The following CTPS2 variants were observed in gnomAD, a reference collection of about 807,000 sequenced individuals.
CTPS2 encodes the protein CTP synthase 2.
Under a neutral mutation model 46.8 loss-of-function variants are expected in CTPS2, and 19 were observed. The observed-to-expected ratio is 0.41, with a 90% confidence interval of 0.28 to 0.60. The LOEUF (loss-of-function observed/expected upper bound fraction) is 0.60. Among genes scored for constraint, CTPS2 ranks in the 20% least tolerant of loss-of-function variants. The pLI, the probability that CTPS2 is intolerant of heterozygous loss-of-function variation, is 0.35. For synonymous variants in CTPS2, 151 were observed against 165.2 expected, an observed-to-expected ratio of 0.91 and a Z score of 0.66; for missense variants, 286 against 447.6, an observed-to-expected ratio of 0.64 and a Z score of 3.26.
chrX:16,677,857 G>A (rs774373133), intron 10 of CTPS2, among the ~76,000 whole-genome samples: 7 of 111,716 alleles, frequency 6.3e-5, no homozygotes, highest in African/African-American at 9.8e-5. Context: ...GGGGAGGCAC[G>A]TATAATTCAT....
chrX:16,650,511 CTTTTTTTTTTTT>C (rs1167079038), intron 13 of CTPS2, among the ~76,000 whole-genome samples: 1 of 77,209 alleles, frequency 1.3e-5, no homozygotes, highest in Non-Finnish European at 2.4e-5. Context: ...TCTAAGATGT[CTTTTTTTTTTTT>C]TTTTTTTTTT....
At chrX:16,637,145 C>T (rs1417609043) in intron 14 of CTPS2, among the ~76,000 whole-genome samples, 1 of 111,454 alleles carries the variant, frequency 9.0e-6, no homozygotes, top group African/African-American at 3.3e-5. Context: ...CTATGTTGCC[C>T]AGCTGGTCTC....
intron 13 of CTPS2, among the ~76,000 whole-genome samples, chrX:16,657,580 TG>T (rs780295338): frequency 9.0e-6 from 1 of 111,007 alleles, no homozygotes; most frequent in Non-Finnish European, 1.9e-5. Flanking sequence ...ACTGGGCAGA[TG>T]GGGGGGCAGG....
At chrX:16,685,937 G>A (rs1249153171) in intron 8 of CTPS2, among the ~76,000 whole-genome samples, 3 of 107,610 alleles carry the variant, frequency 2.8e-5, no homozygotes, top group Non-Finnish European at 5.8e-5. Flanking sequence ...CCTTGACTTC[G>A]GGTCCCAGGC....
At chrX:16,590,279 G>C (rs1928820472) in intron 18 of CTPS2, among the ~76,000 whole-genome samples, 2 of 111,065 alleles carry the variant, frequency 1.8e-5, no homozygotes. Flanking sequence ...TCTTCTATGA[G>C]TGGCCTAGAC....
intron 17 of CTPS2, among the ~76,000 whole-genome samples, chrX:16,600,216 C>T (rs944992414): frequency 8.9e-6 from 1 of 111,975 alleles, no homozygotes; most frequent in Non-Finnish European, 1.9e-5. Flanking sequence ...TCATATAGCC[C>T]ACCTTTACGC....
At position 16,603,537 on chromosome X, in the gene CTPS2, G is replaced by A. The variant is rs181878327; in HGVS notation, c.1691+6004C>T. Among the ~76,000 whole-genome samples, 489 of 110,756 alleles carry A rather than the reference G, an allele frequency of 4.4e-3. 4 individuals carry two copies. The highest frequency in any genetic ancestry group is 4.5e-3 in the Non-Finnish European group (237 of 52,892). On this transcript the variant is annotated intron_variant, in intron 17 of 18. Transcript: ENST00000359276. ...GTATCACTCTTTCATCTTTTCTGTA[G>A]GTTTGCAAGTTTTCAAAATAAAAGA...
intron 17 of CTPS2, among the ~76,000 whole-genome samples, chrX:16,593,184 C>T (rs1026429635): frequency 1.8e-5 from 2 of 111,719 alleles, no homozygotes; most frequent in Non-Finnish European, 3.8e-5. Context: ...AATCCCAGCA[C>T]GTTGGGAGGC....
intron 17 of CTPS2, among the ~76,000 whole-genome samples, chrX:16,600,249 C>T (rs1476236342): frequency 8.9e-6 from 1 of 112,064 alleles, no homozygotes; most frequent in Non-Finnish European, 1.9e-5. Context: ...GCTGTTAAAC[C>T]ATTTCTTCTC....
intron 6 of CTPS2, among the ~76,000 whole-genome samples, chrX:16,692,186 C>T (rs762283510): frequency 3.6e-5 from 4 of 110,883 alleles, no homozygotes; most frequent in Admixed American, 1.9e-4. Context: ...GGGCGTGGTG[C>T]AATCCCAGCA....
At chrX:16,673,863 G>C (rs184275719) in intron 10 of CTPS2, among the ~76,000 whole-genome samples, 3 of 111,337 alleles carry the variant, frequency 2.7e-5, no homozygotes, top group Non-Finnish European at 5.7e-5. Context: ...GTAAGGCTTG[G>C]GGACAAGTTG....
chrX:16,638,900 C>G (rs1931901523), intron 14 of CTPS2: 1 of 502,560 alleles, frequency 2.0e-6, no homozygotes, highest in Non-Finnish European at 3.7e-6. Context: ...GGGAGTCACG[C>G]AGATCAAATG....
At chrX:16,664,145 A>G (rs1016485490) in intron 13 of CTPS2, among the ~76,000 whole-genome samples, 1 of 112,029 alleles carries the variant, frequency 8.9e-6, no homozygotes, top group African/African-American at 3.2e-5. Flanking sequence ...CATGTGTAAA[A>G]ATTTTTTAAC....
intron 14 of CTPS2, among the ~76,000 whole-genome samples, chrX:16,624,071 G>A (rs1248637976): frequency 9.1e-6 from 1 of 109,720 alleles, no homozygotes; most frequent in African/African-American, 3.3e-5. Flanking sequence ...GATTACAGGC[G>A]TGAGCCACCG....
Position 16,702,789 on chromosome X carries a change from T to C in CTPS2, c.114A>G (p.Lys38=). 1 of 1,210,662 alleles carries C rather than the reference T, an allele frequency of 8.3e-7. No homozygotes were observed. Among genetic ancestry groups the C allele is most frequent in the Non-Finnish European group, 1.1e-6 (1 of 894,932 alleles). ...KSCGLRVTAI[K]IDPYINIDAG... ...CATCGATGTTAATATAGGGGTCGAT[T>C]TTTATGGCAGTAACTCGGAGTCCAC... The change falls in exon 2 of 19, where the codon AAA becomes AAG. Residue 38 remains lysine (K), a synonymous_variant. Coordinates refer to ENST00000359276, the MANE Select transcript of CTPS2 (RefSeq NM_175859.3).
chrX:16,619,528 A>G (rs1279683033), intron 15 of CTPS2, among the ~76,000 whole-genome samples: 1 of 111,166 alleles, frequency 9.0e-6, no homozygotes, highest in Non-Finnish European at 1.9e-5. Flanking sequence ...AGACAAGGGT[A>G]GGGCTGAGAT....
chrX:16,639,093 A>T (rs1424855824), intron 14 of CTPS2, 54 bp downstream of exon 14: 3 of 952,545 alleles, frequency 3.1e-6, no homozygotes, highest in Non-Finnish European at 4.5e-6. Context: ...GGGCACCTGC[A>T]GTCACATGAG....
chrX:16,646,441 A>G (rs927370596), intron 13 of CTPS2, among the ~76,000 whole-genome samples: 14 of 112,740 alleles, frequency 1.2e-4, no homozygotes, highest in African/African-American at 4.2e-4. Flanking sequence ...TACGCACTCA[A>G]GAAGCACAGG....
chrX:16,685,263 GA>G (rs748812469), intron 8 of CTPS2, among the ~76,000 whole-genome samples: 5 of 111,745 alleles, frequency 4.5e-5, no homozygotes, highest in African/African-American at 1.3e-4. Flanking sequence ...CCCCCGGAAG[GA>G]AGCAGCACTG....
Sources: allele counts gnomAD v4.1 joint callset (sites outside exome capture counted in the v4.1 genomes callset), GRCh38; gene constraint gnomAD v4.1.1; transcripts MANE v1.5; gene names NCBI Gene and HGNC (gene_info 2026-07-23, HGNC 2026-07-21).